The following PKHD1L1 variants were observed in gnomAD, a reference collection of about 807,000 sequenced individuals.
PKHD1L1 encodes PKHD1 like 1.
Under a neutral mutation model 462.9 loss-of-function variants are expected in PKHD1L1, and 434 were observed. The observed-to-expected ratio is 0.94, with a 90% CI of 0.87 to 1.02. PKHD1L1 has a LOEUF of 1.02. Among genes scored for constraint, PKHD1L1 ranks in the 50% least tolerant of loss-of-function variants. The pLI, the probability that PKHD1L1 is intolerant of heterozygous loss-of-function variation, is 0.00. For missense variants in PKHD1L1, 5,202 were observed against 5,096.1 expected (o/e 1.02, Z -0.63); for synonymous variants, 1,781 against 1,750.0 (o/e 1.02, Z -0.44).
At chr8:109,401,934 G>GA (rs1422699543) in intron 14 of PKHD1L1, among the ~76,000 whole-genome samples, 2 of 152,118 alleles carry the variant, frequency 1.3e-5, no homozygotes, top group African/African-American at 4.8e-5. Flanking sequence ...TATTGCTAGG[G>GA]AAAAATCACT....
chr8:109,438,573 A>G lies in PKHD1L1; in HGVS notation c.3760+117A>G, dbSNP rs1162491644. 3.3e-5 allele frequency: 30 copies of G among 909,232 alleles called. 1 individual carries two copies. In the South Asian group the frequency reaches 5.6e-4, roughly 17 times the overall value. 56.3% of individuals were successfully genotyped at this position (909,232 alleles called of 1,614,324 possible). ...TGTTTCTTAAAGTGAAACCAGTTAT[A>G]GTGTTATGTGTGTGTATGTTTTATC... is the stretch of plus-strand genomic sequence containing the variant. On this transcript the variant is annotated intron_variant, in intron 31 of 77. Transcript: ENST00000378402.
intron 63 of PKHD1L1, 108 bp from the exon 64 acceptor site, chr8:109,496,811 T>C: frequency 3.5e-6 from 4 of 1,143,790 alleles, no homozygotes; most frequent in Non-Finnish European, 5.0e-6. Flanking sequence ...ATCAGAATTA[T>C]GTATGTAATT....
intron 12 of PKHD1L1, among the ~76,000 whole-genome samples, chr8:109,399,530 C>A (rs1813162464): frequency 6.6e-6 from 1 of 151,798 alleles, no homozygotes; most frequent in South Asian, 2.1e-4. Context: ...TGATTCTGTC[C>A]AAGAAGGAGA....
intron 21 of PKHD1L1, among the ~76,000 whole-genome samples, chr8:109,418,075 A>C (rs1014928049): frequency 5.9e-5 from 9 of 152,188 alleles, no homozygotes; most frequent in African/African-American, 2.2e-4. Context: ...GAATTATTTA[A>C]TCACAAAGGC....
At chr8:109,431,571 C>T (rs554596806) in intron 27 of PKHD1L1, among the ~76,000 whole-genome samples, 1 of 152,116 alleles carries the variant, frequency 6.6e-6, no homozygotes, top group Admixed American at 6.5e-5. Flanking sequence ...GTTTTGTAAG[C>T]TTACAAATGA....
At chr8:109,490,166 A>T (rs1818758637) in intron 60 of PKHD1L1, 111 bp downstream of exon 60, 1 of 667,052 alleles carries the variant, frequency 1.5e-6, no homozygotes, top group African/African-American at 1.9e-5. Flanking sequence ...ATAATCTAAT[A>T]TAATAAAACT....
At chr8:109,366,705 T>C (rs1293870956) in intron 2 of PKHD1L1, among the ~76,000 whole-genome samples, 2 of 151,576 alleles carry the variant, frequency 1.3e-5, no homozygotes, top group African/African-American at 2.4e-5. Flanking sequence ...TTTTTTTTTT[T>C]TTTTGAGACG....
chr8:109,424,725 C>A (rs1418292485), intron 23 of PKHD1L1, among the ~76,000 whole-genome samples: 1 of 152,104 alleles, frequency 6.6e-6, no homozygotes, highest in African/African-American at 2.4e-5. Context: ...TTTTTAATAG[C>A]CAAGACCACA....
At position 109,445,201 on chromosome 8, in the gene PKHD1L1, G is replaced by A; in HGVS notation, c.5332G>A (p.Asp1778Asn). The change falls in exon 38 of 78, where the codon GAC (aspartate) becomes AAC (asparagine). Residue 1778 changes from aspartate to asparagine, a missense_variant. Transcript: ENST00000378402. Reference protein sequence around the residue: ...EGEGLGTVLEDIAVFIGNQQF... With the variant: ...EGEGLGTVLENIAVFIGNQQF... ...AGAAGGTTTGGGGACTGTTTTGGAG[G>A]ACATTGCTGTTTTCATTGGAAATCA... 1 of 1,613,976 alleles carries A rather than the reference G, an allele frequency of 6.2e-7. No homozygotes were observed. Among genetic ancestry groups the A allele is most frequent in the Non-Finnish European group, 8.5e-7 (1 of 1,179,886 alleles).
Position 109,510,810 on chromosome 8 carries a change from C to A in PKHD1L1, c.11429C>A (p.Thr3810Lys). 1.2e-6 allele frequency: 2 copies of A among 1,613,190 alleles called. No homozygotes were observed. Among genetic ancestry groups the A allele is most frequent in the Non-Finnish European group, 1.7e-6 (2 of 1,179,392 alleles). ...PQDHGWCAGY[T>K]CQRRLSLFHS... is the part of the protein sequence containing the mutation. ...GATCATGGCTGGTGTGCTGGATATA[C>A]ATGCCAGAGAAGGCTGTCCCTGTTT... Residue 3810 changes from threonine (T) to lysine (K), a missense_variant, in exon 71 of 78, where the codon ACA becomes AAA. Physicochemically the swap from Thr to Lys is moderately conservative, Grantham distance 78. Around this residue, in one of 3 missense-constraint regions of PKHD1L1, gnomAD observed 698 missense variants for 736.3 expected, o/e 0.95. Transcript: ENST00000378402.
At chr8:109,408,753 A>G (rs1813691618) in intron 18 of PKHD1L1, among the ~76,000 whole-genome samples, 1 of 152,202 alleles carries the variant, frequency 6.6e-6, no homozygotes. Context: ...ATGAGATTCC[A>G]CTAGTGGAGC....
intron 48 of PKHD1L1, among the ~76,000 whole-genome samples, chr8:109,462,316 C>A (rs1353519371): frequency 6.6e-6 from 1 of 152,128 alleles, no homozygotes. Context: ...TGTATCAGAT[C>A]TTGTTACACC....
intron 2 of PKHD1L1, among the ~76,000 whole-genome samples, chr8:109,366,944 A>T (rs546297094): frequency 1.3e-5 from 2 of 152,098 alleles, no homozygotes; most frequent in African/African-American, 4.8e-5. Context: ...TGCCCACCTC[A>T]GCCTCCCAAA....
rs530313710 is a variant in PKHD1L1 at position 109,394,452 on chromosome 8, C to T, written c.778C>T (p.Leu260Phe). ...GAAAATGGCATATTTTGTTTCTTCT[C>T]TCAATAAAATTGCAATGTTTCAAAC... ...PQKMAYFVSS[L>F]NKIAMFQTYA... The change falls in exon 10 of 78, where the codon CTC becomes TTC. Residue 260 changes from leucine to phenylalanine, a missense_variant. Physicochemically the swap from Leu to Phe is conservative, Grantham distance 22. Coordinates refer to ENST00000378402, the MANE Select transcript of PKHD1L1 (RefSeq NM_177531.6). The T allele has an allele frequency of 5.2e-6, 8 of 1,529,482 alleles. No homozygotes were observed. In the African/African-American group the frequency reaches 9.7e-5, roughly 19 times the overall value. 94.7% of individuals were successfully genotyped at this position (1,529,482 alleles called of 1,614,324 possible). A position where few individuals can be genotyped will look rare whatever the true frequency, so the allele number is the denominator to read the frequency against.
intron 42 of PKHD1L1, 108 bp downstream of exon 42, chr8:109,452,388 T>C: frequency 9.5e-7 from 1 of 1,053,854 alleles, no homozygotes; most frequent in Non-Finnish European, 1.3e-6. Context: ...AAAAAATAAC[T>C]GAGCTGTGAC....
At chr8:109,524,844 C>T (rs1820736269) in intron 76 of PKHD1L1, among the ~76,000 whole-genome samples, 1 of 144,810 alleles carries the variant, frequency 6.9e-6, no homozygotes, top group Admixed American at 7.1e-5. Flanking sequence ...TCCTTCTGTC[C>T]TTCCTTCCAT....
chr8:109,464,185 A>T (rs763315746), intron 48 of PKHD1L1, 31 bp from the exon 49 acceptor site: 2 of 1,477,688 alleles, frequency 1.4e-6, no homozygotes, highest in African/African-American at 2.8e-5. Context: ...CTGAGCTATT[A>T]CTAAATAACT....
intron 1 of PKHD1L1, among the ~76,000 whole-genome samples, chr8:109,364,181 T>G (rs1222698995): frequency 2.0e-5 from 3 of 152,238 alleles, no homozygotes; most frequent in Non-Finnish European, 4.4e-5. Context: ...TTCTTCTTGG[T>G]GTCTGCTGTT....
Position 109,518,187 on chromosome 8 carries a change from G to A in PKHD1L1, c.11710G>A (p.Asp3904Asn). ...CATAGACCAATTCCTTCCTAACCTG[G>A]ATTCCACTGTCCTTGGTGAAAACTA... Reference protein sequence around the residue: ...LYKDQFLPNLDSTVLGENYFD... With the variant: ...LYKDQFLPNLNSTVLGENYFD... The change falls in exon 73 of 78, where the codon GAT becomes AAT. Residue 3904 changes from aspartate (D) to asparagine (N), a missense_variant. Asp to Asn is a conservative substitution (Grantham distance 23). Coordinates refer to ENST00000378402, the MANE Select transcript of PKHD1L1 (RefSeq NM_177531.6). The A allele has an allele frequency of 1.3e-6, 2 of 1,595,138 alleles. No individual in the cohort carries two copies. The highest frequency in any genetic ancestry group is 1.7e-6 in the Non-Finnish European group (2 of 1,165,236).
Sources: gnomAD v4.1 joint callset for allele counts (sites outside exome capture counted in the v4.1 genomes callset) on GRCh38, gnomAD v4.1.1 for gene constraint, gnomAD v4.1.1 regional missense constraint, MANE v1.5 for transcripts, NCBI Gene and HGNC (gene_info 2026-07-23, HGNC 2026-07-21) for gene names.